PLCH1: variants seen among roughly 807,000 people sequenced by gnomAD.
PLCH1 encodes the protein phospholipase C eta 1.
Under a neutral mutation model 126.7 loss-of-function variants are expected in PLCH1, and 60 were observed. The observed-to-expected ratio is 0.47, with a 90% CI of 0.38 to 0.59. The LOEUF (loss-of-function observed/expected upper bound fraction) is 0.59, where lower values mean the gene tolerates loss of function less well. Ranked by LOEUF, PLCH1 falls within the 20% of genes least tolerant of loss-of-function variation. The pLI, the probability that PLCH1 is intolerant of heterozygous loss-of-function variation, is 0.00. For synonymous variants in PLCH1, 719 were observed against 734.9 expected (o/e 0.98, Z 0.35); for missense variants, 1,723 against 2,040.0 (o/e 0.84, Z 2.99).
chr3:155,480,495 GCAT>G lies in PLCH1; in HGVS notation c.*470_*472del, dbSNP rs145909219. 0.015 allele frequency: 2,236 copies of G among 154,122 alleles called. 27 individuals carry two copies. The highest frequency in any genetic ancestry group is 0.021 in the Non-Finnish European group (1,482 of 69,102). The allele number at this position is 154,122 out of a possible 1,614,324, so 9.5% of individuals were successfully genotyped here. ...GTTTTTAAAACTGAGTTATAAAAAT[GCAT>G]CTGGGCTTCTGAACAAAGAGGGAAA... is the stretch of plus-strand genomic sequence containing the variant. On this transcript the variant is annotated 3_prime_UTR_variant, in exon 23 of 23. Coordinates refer to ENST00000460012, the MANE Select transcript of PLCH1 (RefSeq NM_014996.4).
In PLCH1 at chr3:155,510,825, T is replaced by C. The variant is rs537796541; in HGVS notation, c.1632+3898A>G. Among the ~76,000 whole-genome samples the C allele has an allele frequency of 1.0e-4, 10 of 96,816 alleles. 2 individuals are homozygous for C. Among genetic ancestry groups the C allele is most frequent in the African/African-American group, 4.8e-4 (8 of 16,684 alleles). The allele number at this position is 96,816 out of a possible 152,430, so 63.5% of individuals were successfully genotyped here. On this transcript the variant is annotated intron_variant, in intron 12 of 22. Transcript: ENST00000460012. Reference sequence around the variant, plus strand: ...ATTTCAACTTTGGTGAATCTGACAATTATGTGTCTTGGAGTTGCTCTTCTC... The same window carrying C: ...ATTTCAACTTTGGTGAATCTGACAACTATGTGTCTTGGAGTTGCTCTTCTC...
At chr3:155,740,026 T>C (rs1304281940) in intron 1 of PLCH1, among the ~76,000 whole-genome samples, 1 of 152,098 alleles carries the variant, frequency 6.6e-6, no homozygotes, top group Non-Finnish European at 1.5e-5. Flanking sequence ...AGATACCAAA[T>C]GAAAAACAGC....
At chr3:155,742,975 C>A in intron 1 of PLCH1, 1 of 229,714 alleles carries the variant, frequency 4.4e-6, no homozygotes, top group South Asian at 4.7e-5. Context: ...GTATTTTATG[C>A]CACACTTTAT....
chr3:155,686,201 A>G (rs1459215806), intron 2 of PLCH1, among the ~76,000 whole-genome samples: 1 of 152,196 alleles, frequency 6.6e-6, no homozygotes, highest in Admixed American at 6.5e-5. Context: ...AAAAGTTAAC[A>G]TAACATAAAG....
intron 2 of PLCH1, among the ~76,000 whole-genome samples, chr3:155,692,787 C>T (rs1200656119): frequency 2.0e-5 from 3 of 151,414 alleles, no homozygotes; most frequent in Non-Finnish European, 2.9e-5. Context: ...AGATGAGTCT[C>T]GCTCTGTCGC....
intron 7 of PLCH1, among the ~76,000 whole-genome samples, chr3:155,565,705 T>TA (rs969734810): frequency 6.5e-4 from 99 of 151,254 alleles, no homozygotes; most frequent in African/African-American, 2.3e-3. Flanking sequence ...TTTATTTATT[T>TA]TTTTTTTTGA....
At chr3:155,475,858 G>A (rs532676867), downstream of PLCH1, among the ~76,000 whole-genome samples, 21 of 152,218 alleles carry the variant, frequency 1.4e-4, no homozygotes, top group African/African-American at 5.1e-4. Context: ...CAAACTGATG[G>A]CTTCACTGCT....
intron 10 of PLCH1, among the ~76,000 whole-genome samples, chr3:155,531,378 A>C (rs1448323654): frequency 1.3e-5 from 2 of 152,194 alleles, no homozygotes; most frequent in African/African-American, 4.8e-5. Flanking sequence ...TAATCCCAGC[A>C]CTTTGGGAGG....
rs776740395 is a variant in PLCH1 at position 155,596,261 on chromosome 3, C to T, written c.197G>A (p.Arg66Gln). Reference protein sequence around the residue: ...LDEHRTRLRWRPSRKSEKAKI... With the variant: ...LDEHRTRLRWQPSRKSEKAKI... ...TGCCTTCTCACTCTTCCTAGAGGGT[C>T]GCCATCGGAGGCGTGTCCGGTGCTC... Residue 66 changes from arginine (R) to glutamine (Q), a missense_variant, in exon 3 of 23, where the codon CGA becomes CAA. Physicochemically the swap from Arg to Gln is conservative, Grantham distance 43. Coordinates refer to ENST00000460012, the MANE Select transcript of PLCH1 (RefSeq NM_014996.4). 7 of 1,613,332 alleles carry T rather than the reference C, an allele frequency of 4.3e-6. No homozygotes were observed. Among genetic ancestry groups the T allele is most frequent in the Admixed American group, 1.7e-5 (1 of 59,968 alleles).
chr3:155,547,915 G>T (rs544376801), intron 10 of PLCH1, among the ~76,000 whole-genome samples: 6 of 148,818 alleles, frequency 4.0e-5, no homozygotes, highest in Admixed American at 4.0e-4. Context: ...GGGAGGGATA[G>T]CTTTAGGAGA....
chr3:155,663,062 T>A (rs1243862092), intron 2 of PLCH1, among the ~76,000 whole-genome samples: 1 of 152,194 alleles, frequency 6.6e-6, no homozygotes, highest in Non-Finnish European at 1.5e-5. Flanking sequence ...GTTTTATAAA[T>A]AAACAATCAT....
At chr3:155,692,459 AATGGATGGATGG>A (rs59965316) in intron 2 of PLCH1, among the ~76,000 whole-genome samples, 3 of 151,762 alleles carry the variant, frequency 2.0e-5, no homozygotes, top group Non-Finnish European at 2.9e-5. Context: ...TGAATGAATG[AATGGATGGATGG>A]ATGGATGGAT....
intron 2 of PLCH1, among the ~76,000 whole-genome samples, chr3:155,663,745 C>A (rs1742435001): frequency 1.3e-5 from 2 of 152,274 alleles, no homozygotes; most frequent in East Asian, 1.9e-4. Flanking sequence ...GCTCCATGAA[C>A]TTCCCCTCCA....
Position 155,481,649 on chromosome 3 carries a change from A to G in PLCH1, c.4377T>C (p.Asp1459=). The change falls in exon 23 of 23, where the codon GAT becomes GAC. Residue 1459 remains aspartate (D), a synonymous_variant. Transcript: ENST00000460012. The surrounding 1 kb of genome is among the most constrained non-coding windows in gnomAD (Gnocchi z 4.2). ...TCVPQQSSAQ[D]MHVPVPKQLA... is the part of the protein sequence containing the mutation. ...ACTGCTTGGGTACAGGGACATGCAT[A>G]TCTTGAGCACTAGATTGCTGGGGCA... The G allele has an allele frequency of 1.9e-6, 3 of 1,614,188 alleles. No homozygotes were observed. The highest frequency in any genetic ancestry group is 2.5e-6 in the Non-Finnish European group (3 of 1,180,040).
chr3:155,556,406 T>A (rs989890048), intron 8 of PLCH1, among the ~76,000 whole-genome samples: 5 of 152,206 alleles, frequency 3.3e-5, no homozygotes, highest in African/African-American at 1.2e-4. Context: ...GTGAACCACA[T>A]ATGTTCTCTA....
chr3:155,630,908 G>A (rs1577193217), intron 2 of PLCH1, among the ~76,000 whole-genome samples: 1 of 152,128 alleles, frequency 6.6e-6, no homozygotes, highest in Non-Finnish European at 1.5e-5. Context: ...AAAGAGACTT[G>A]AAAATTAAAA....
chr3:155,524,089 T>C, intron 10 of PLCH1, 85 bp from the exon 11 acceptor site: 1 of 811,460 alleles, frequency 1.2e-6, no homozygotes, highest in South Asian at 1.5e-5. Context: ...CATCCATTGA[T>C]GGATGAGAGG....
At position 155,686,649 on chromosome 3, in the gene PLCH1, C is replaced by A. The variant is rs77657300; in HGVS notation, c.79+17497G>T. ...ATCACTGAACCTTTCCCAGCCTCAGCATCCTCACTGATCAAAAGTGAGATG... is the reference window on the plus strand; with the variant it reads ...ATCACTGAACCTTTCCCAGCCTCAGAATCCTCACTGATCAAAAGTGAGATG... On this transcript the variant is annotated intron_variant, in intron 2 of 22. Coordinates refer to ENST00000460012, the MANE Select transcript of PLCH1 (RefSeq NM_014996.4). Among the ~76,000 whole-genome samples, 533 of 152,310 alleles carry A rather than the reference C, an allele frequency of 3.5e-3. 5 individuals carry two copies. Among genetic ancestry groups the A allele is most frequent in the African/African-American group, 0.012 (507 of 41,572 alleles).
intron 10 of PLCH1, among the ~76,000 whole-genome samples, chr3:155,527,712 G>A (rs563176677): frequency 6.6e-6 from 1 of 152,134 alleles, no homozygotes; most frequent in African/African-American, 2.4e-5. Context: ...CTGAGGTCAC[G>A]AGTTCAAGGC....
Sources: allele counts gnomAD v4.1 joint callset (sites outside exome capture counted in the v4.1 genomes callset), GRCh38; gene constraint gnomAD v4.1.1; non-coding constraint Gnocchi (gnomAD v3.1); transcripts MANE v1.5; gene names NCBI Gene and HGNC (gene_info 2026-07-23, HGNC 2026-07-21).